The following PDE4D variants were observed in gnomAD, a reference collection of about 807,000 sequenced individuals.
PDE4D encodes 3',5'-cyclic-AMP phosphodiesterase 4D.
PDE4D carries 24 observed loss-of-function variants against 87.4 expected under a neutral mutation model. The ratio of observed to expected loss-of-function variants is 0.27; its 90% CI spans 0.20 to 0.39. The LOEUF (loss-of-function observed/expected upper bound fraction) is 0.39. PDE4D is among the 10% of genes least tolerant of loss of function. The probability of loss-of-function intolerance (pLI) is 1.00; values close to 1 mark genes in which losing one functional copy is unlikely to be tolerated. For missense variants in PDE4D, 714 were observed against 1,041.0 expected (o/e 0.69, Z 4.32); for synonymous variants, 384 against 383.2 (o/e 1.00, Z -0.02).
At chr5:60,332,843 T>A (rs991070048) in intron 1 of PDE4D, among the ~76,000 whole-genome samples, 4 of 152,124 alleles carry the variant, frequency 2.6e-5, no homozygotes, top group African/African-American at 9.7e-5. Context: ...CATCGAAAAG[T>A]CAGAAGCAGA....
At chr5:59,535,076 T>TGG (rs72213048) in intron 1 of PDE4D, among the ~76,000 whole-genome samples, 218 of 107,524 alleles carry the variant, frequency 2.0e-3, no homozygotes, top group Non-Finnish European at 3.2e-3. Flanking sequence ...TGTGTGTGTG[T>TGG]GGGGGGGGGG....
At chr5:59,079,360 T>C (rs1766266984) in intron 5 of PDE4D, among the ~76,000 whole-genome samples, 1 of 152,188 alleles carries the variant, frequency 6.6e-6, no homozygotes, top group African/African-American at 2.4e-5. Context: ...AAAGCATGCA[T>C]AATTTCACAA....
rs144848916 is a variant in PDE4D, at chr5:60,354,674, T to C, written c.-90+133268A>G. Among the ~76,000 whole-genome samples, 342 of 152,312 alleles carry C rather than the reference T, an allele frequency of 2.2e-3. 2 individuals carry two copies. Among genetic ancestry groups the C allele is most frequent in the African/African-American group, 8.0e-3 (332 of 41,586 alleles). On this transcript the variant is annotated intron_variant, in intron 1 of 16. Transcript: ENST00000502484. ...ACCACAATTGGAGGTTGGGGCATTCTGAACCATTTTTAGTCTGGGATGTTG... is the reference window on the plus strand; with the variant it reads ...ACCACAATTGGAGGTTGGGGCATTCCGAACCATTTTTAGTCTGGGATGTTG...
intron 5 of PDE4D, among the ~76,000 whole-genome samples, chr5:59,053,658 G>GTTTTTTTT (rs1420455755): frequency 2.5e-5 from 2 of 81,060 alleles, no homozygotes; most frequent in Non-Finnish European, 5.0e-5. Context: ...TTTTTTTGTT[G>GTTTTTTTT]TTGTTTTTTT....
intron 1 of PDE4D, chr5:59,592,191 AC>A: frequency 1.1e-6 from 1 of 951,774 alleles, no homozygotes; most frequent in South Asian, 4.8e-5. Context: ...TATTTATAAC[AC>A]CAAAAACATT....
intron 1 of PDE4D, among the ~76,000 whole-genome samples, chr5:59,297,176 C>T (rs1164825921): frequency 1.3e-5 from 2 of 152,130 alleles, no homozygotes; most frequent in Non-Finnish European, 2.9e-5. Flanking sequence ...GAAAGTGAAA[C>T]TAGTTCACAC....
intron 1 of PDE4D, among the ~76,000 whole-genome samples, chr5:59,358,057 G>T (rs191895151): frequency 2.0e-5 from 3 of 152,284 alleles, no homozygotes; most frequent in Admixed American, 2.0e-4. Flanking sequence ...AGCTCAATCT[G>T]TCTCTTGTAC....
At chr5:60,462,127 C>A (rs764504491) in intron 1 of PDE4D, among the ~76,000 whole-genome samples, 6 of 152,162 alleles carry the variant, frequency 3.9e-5, no homozygotes, top group Non-Finnish European at 7.3e-5. Context: ...CAGCAGTCTG[C>A]AGGGCTGTGA....
At chr5:59,775,772 T>C (rs1183312955) in intron 1 of PDE4D, among the ~76,000 whole-genome samples, 1 of 152,194 alleles carries the variant, frequency 6.6e-6, no homozygotes, top group East Asian at 1.9e-4. Flanking sequence ...TTCAGAGGAA[T>C]ATAACACAAT....
At chr5:59,050,311 C>T (rs16889126) in intron 5 of PDE4D, among the ~76,000 whole-genome samples, 10,426 of 152,086 alleles carry the variant, frequency 0.069, 500 homozygotes, top group Admixed American at 0.1. Flanking sequence ...AAAGATTTCC[C>T]GAAAAGACTA....
At chr5:60,238,553 C>G (rs548624185) in intron 1 of PDE4D, among the ~76,000 whole-genome samples, 1 of 152,014 alleles carries the variant, frequency 6.6e-6, no homozygotes, top group East Asian at 1.9e-4. Context: ...ATTCTTAAAA[C>G]TGGTTGGTAT....
intron 1 of PDE4D, among the ~76,000 whole-genome samples, chr5:60,307,678 C>T (rs1049038046): frequency 2.6e-5 from 4 of 151,962 alleles, no homozygotes; most frequent in Non-Finnish European, 4.4e-5. Flanking sequence ...TATCACTGTT[C>T]CGAAGTCACA....
intron 3 of PDE4D, among the ~76,000 whole-genome samples, chr5:59,967,977 T>G (rs1007333262): frequency 1.6e-4 from 2 of 12,670 alleles, no homozygotes; most frequent in Admixed American, 1.2e-3. Flanking sequence ...GCCATATGCT[T>G]TTTTTTTTTT....
chr5:59,705,441 G>A (rs1013503895), intron 1 of PDE4D, among the ~76,000 whole-genome samples: 1 of 152,014 alleles, frequency 6.6e-6, no homozygotes, highest in South Asian at 2.1e-4. Context: ...ACATAGGAAA[G>A]AGCCTCTTAT....
intron 1 of PDE4D, among the ~76,000 whole-genome samples, chr5:59,394,506 T>A (rs670169): frequency 0.42 from 63,821 of 151,958 alleles, 13,709 homozygotes; most frequent in East Asian, 0.49. Context: ...ATGACATTAG[T>A]ATCAATTCCC....
chr5:59,651,827 A>G (rs538260030), intron 1 of PDE4D, among the ~76,000 whole-genome samples: 23 of 152,202 alleles, frequency 1.5e-4, no homozygotes, highest in Non-Finnish European at 3.1e-4. Flanking sequence ...TCCAAAATAT[A>G]GCACCATTTG....
chr5:60,260,539 T>C (rs2149702530), intron 1 of PDE4D, among the ~76,000 whole-genome samples: 1 of 152,178 alleles, frequency 6.6e-6, no homozygotes, highest in South Asian at 2.1e-4. Context: ...GAATTTATAA[T>C]AAAAGAAACT....
intron 1 of PDE4D, among the ~76,000 whole-genome samples, chr5:59,547,535 C>CT (rs1491204561): frequency 3.3e-5 from 5 of 152,074 alleles, no homozygotes; most frequent in African/African-American, 9.7e-5. Context: ...CAAATTTTGA[C>CT]TTTTTTGACA....
At chr5:58,991,629 C>A (rs535496496) in intron 8 of PDE4D, among the ~76,000 whole-genome samples, 215 of 151,832 alleles carry the variant, frequency 1.4e-3, no homozygotes, top group African/African-American at 4.9e-3. Context: ...CAAATAATCA[C>A]CCCCCAAACC....
Sources: allele counts gnomAD v4.1 joint callset (sites outside exome capture counted in the v4.1 genomes callset), GRCh38; gene constraint gnomAD v4.1.1; transcripts MANE v1.5; gene names NCBI Gene and HGNC (gene_info 2026-07-23, HGNC 2026-07-21).